Variants in ARRDC2 observed in about 807,000 individuals in gnomAD.
The protein encoded by ARRDC2 is arrestin domain containing 2, also known as arrestin domain-containing protein 2.
In ARRDC2, 39 loss-of-function variants were observed where a neutral mutation model predicts 38.9. The observed-to-expected ratio is 1.00, with a 90% CI of 0.78 to 1.31. The LOEUF is 1.31. Among genes scored for constraint, ARRDC2 ranks in the 50% most tolerant of loss-of-function variants. The pLI, the probability that ARRDC2 is intolerant of heterozygous loss-of-function variation, is 0.00. For missense variants in ARRDC2, 553 were observed against 588.4 expected (o/e 0.94, Z 0.62); for synonymous variants, 300 against 261.9 (o/e 1.15, Z -1.41).
At chr19:18,002,382 A>C (rs2033200008) in intron 1 of ARRDC2, among the ~76,000 whole-genome samples, 1 of 152,108 alleles carries the variant, frequency 6.6e-6, no homozygotes, top group African/African-American at 2.4e-5. Context: ...CTCGCACCCC[A>C]AGCGCCCCTA....
At position 18,008,289 on chromosome 19, in the gene ARRDC2, G is replaced by A. The variant is rs770938584; in HGVS notation, c.-22G>A. ...AGTTCGAGGCCAGGTTCCGCCTGTC[G>A]TGGGTTCGCACCCCGGACGCGATGC... On this transcript the variant is annotated 5_prime_UTR_variant, in exon 1 of 8. In the 5' UTR this introduces an upstream ATG that the reference lacks. Coordinates refer to ENST00000222250, the MANE Select transcript of ARRDC2 (RefSeq NM_015683.2). 3.1e-6 allele frequency: 5 copies of A among 1,587,776 alleles called. No homozygotes were observed. In the South Asian group the frequency reaches 4.4e-5, roughly 14 times the overall value.
upstream of ARRDC2, among the ~76,000 whole-genome samples, chr19:18,004,600 A>T (rs1322085217): frequency 2.6e-5 from 4 of 151,674 alleles, no homozygotes; most frequent in Non-Finnish European, 4.4e-5. Context: ...AAGGCAGGAG[A>T]ATCGCTGGAA....
intron 4 of ARRDC2, 42 bp from the exon 5 acceptor site, chr19:18,009,739 GGT>G: frequency 6.2e-7 from 1 of 1,612,820 alleles, no homozygotes; most frequent in Non-Finnish European, 8.5e-7. Context: ...CTGGTGTTGG[GGT>G]TGCAGGAGGG....
intron 2 of ARRDC2, 40 bp from the exon 3 acceptor site, chr19:18,008,931 T>C: frequency 6.2e-7 from 1 of 1,609,942 alleles, no homozygotes; most frequent in Non-Finnish European, 8.5e-7. Flanking sequence ...CCTGCTTGTC[T>C]CTGTATCTTG....
exon 1 of ARRDC2, chr19:18,001,393 C>T (rs1269069895): frequency 2.9e-5 from 35 of 1,215,546 alleles, no homozygotes; most frequent in Non-Finnish European, 3.4e-5. Flanking sequence ...CGGGGAGCGG[C>T]TGTGCGGCCG....
chr19:18,006,633 GGGGAGA>G (rs147340744), upstream of ARRDC2, among the ~76,000 whole-genome samples: 96 of 152,004 alleles, frequency 6.3e-4, no homozygotes, highest in Admixed American at 1.1e-3. Flanking sequence ...GGGAGACCAA[GGGGAGA>G]GGGAGAGGGA....
In ARRDC2 at chr19:18,008,235, G is replaced by A. The variant is rs2033323609; in HGVS notation, c.-76G>A. The A allele has an allele frequency of 6.5e-7, 1 of 1,549,520 alleles. No individual in the cohort carries two copies. Among genetic ancestry groups the A allele is most frequent in the Non-Finnish European group, 8.6e-7 (1 of 1,160,764 alleles). ...GGCGATTTTGCGTTCTGAGGCTGCA[G>A]CGTCGGCATCTTGAGCTGCCGGTTC... On this transcript the variant is annotated 5_prime_UTR_variant, in exon 1 of 8. Transcript: ENST00000222250.
upstream of ARRDC2, among the ~76,000 whole-genome samples, chr19:18,006,836 T>C (rs146230662): frequency 6.6e-6 from 1 of 152,122 alleles, no homozygotes; most frequent in South Asian, 2.1e-4. Context: ...GGTTACCTAA[T>C]CCCGCTTCTC....
Position 18,013,956 on chromosome 19 carries a change from G to C in ARRDC2, c.*990G>C, listed in dbSNP as rs1014979997. 1.3e-5 allele frequency: 2 copies of C among 152,142 alleles called. No individual in the cohort carries two copies. The highest frequency in any genetic ancestry group is 4.8e-5 in the African/African-American group (2 of 41,402). 9.4% of individuals were successfully genotyped at this position (152,142 alleles called of 1,614,324 possible). On this transcript the variant is annotated 3_prime_UTR_variant, in exon 8 of 8. Transcript: ENST00000222250. ...TGTCCTGGAGGAGAAAAGCATTAGA[G>C]GGGGCAGCTGGACAAGCTCCCAACT...
chr19:18,009,501 C>G lies in ARRDC2; in HGVS notation c.490-91C>G, dbSNP rs754928081. On this transcript the variant is annotated intron_variant, in intron 3 of 7. Coordinates refer to ENST00000222250, the MANE Select transcript of ARRDC2 (RefSeq NM_015683.2). ...AAAGAAACCAAGCCCTGCCCAAAGT[C>G]CTCCCTCAGCTGGGGGTGGTTTGGA... 1.5e-4 allele frequency: 174 copies of G among 1,187,744 alleles called. 1 individual carries two copies. In the Middle Eastern group the frequency reaches 2.0e-3, roughly 14 times the overall value. 73.6% of individuals were successfully genotyped at this position (1,187,744 alleles called of 1,614,324 possible). A position where few individuals can be genotyped will look rare whatever the true frequency, so the allele number is the denominator to read the frequency against.
intron 7 of ARRDC2, among the ~76,000 whole-genome samples, chr19:18,011,195 A>C (rs2033405049): frequency 6.6e-6 from 1 of 152,136 alleles, no homozygotes; most frequent in Non-Finnish European, 1.5e-5. Context: ...ACGGGGTTTC[A>C]CCATGTTGGT....
upstream of ARRDC2, among the ~76,000 whole-genome samples, chr19:18,003,969 C>T (rs937416799): frequency 2.0e-5 from 3 of 150,828 alleles, no homozygotes; most frequent in Non-Finnish European, 4.4e-5. Context: ...AGACGGGTTT[C>T]ACCATGTTGG....
chr19:18,008,132 C>CCCCA, upstream of ARRDC2: 2 of 1,268,366 alleles, frequency 1.6e-6, no homozygotes, highest in Non-Finnish European at 2.0e-6. Context: ...CCCCCCCCCG[C>CCCCA]CCTGCCGTAT....
Position 18,010,725 on chromosome 19 carries a change from C to T in ARRDC2, c.1166C>T (p.Ser389Phe). The change falls in exon 7 of 8, where the codon TCT (serine) becomes TTT (phenylalanine). Residue 389 changes from serine to phenylalanine, a missense_variant. Ser to Phe is a radical substitution (Grantham distance 155). Coordinates refer to ENST00000222250, the MANE Select transcript of ARRDC2 (RefSeq NM_015683.2). ...EFRYRPPPLYSEEDPNPLLGD... is the reference protein window; with the variant it reads ...EFRYRPPPLYFEEDPNPLLGD... ...CGCTACCGCCCGCCACCCCTGTACT[C>T]TGAGGTGAGCTCAGGGGTCTGAGAA... 1.2e-6 allele frequency: 2 copies of T among 1,613,714 alleles called. No individual in the cohort carries two copies. Among genetic ancestry groups the T allele is most frequent in the Non-Finnish European group, 1.7e-6 (2 of 1,180,000 alleles).
rs2033334051 is a variant in ARRDC2 at position 18,008,583 on chromosome 19, A to T, written c.273A>T (p.Pro91=). 6.3e-7 allele frequency: 1 copy of T among 1,588,226 alleles called. No homozygotes were observed. The highest frequency in any genetic ancestry group is 1.7e-5 in the Admixed American group (1 of 57,322). ...GCCACCGCGCCACGCTCCTGGCGCC[A>T]GGTACGGATGGAGGACCCCTGCTCC... ...VVSHRATLLA[P]DTGETTTLPP... The change falls in exon 1 of 8, where the codon CCA becomes CCT. Residue 91 remains proline, a splice_region_variant and synonymous_variant. Transcript: ENST00000222250.
chr19:18,007,416 C>G (rs2033301756), upstream of ARRDC2: 1 of 152,248 alleles, frequency 6.6e-6, no homozygotes, highest in Admixed American at 6.5e-5. Context: ...AACATCATTT[C>G]GTAGGTACCG....
At chr19:18,008,810 C>T in intron 2 of ARRDC2, 33 bp downstream of exon 2, 3 of 1,610,532 alleles carry the variant, frequency 1.9e-6, no homozygotes, top group Non-Finnish European at 2.5e-6. Flanking sequence ...TTGCCCTAAG[C>T]CTGCAGCCCC....
chr19:18,010,675 G>A lies in ARRDC2; in HGVS notation c.1116G>A (p.Pro372=), dbSNP rs375815679. The A allele has an allele frequency of 1.1e-4, 182 of 1,613,732 alleles. No homozygotes were observed. The highest frequency in any genetic ancestry group is 1.4e-4 in the Non-Finnish European group (166 of 1,180,030). The change falls in exon 7 of 8, where the codon CCG becomes CCA. Residue 372 remains proline (P), a synonymous_variant. Transcript: ENST00000222250. The stretch of plus-strand genomic sequence containing the variant: ...ACCCCGACATGAGCCTTGAAGGCCC[G>A]TTCTTCGCCTACATCCAAGAGTTCC... ...PQDPDMSLEG[P]FFAYIQEFRY...
chr19:18,012,922 A>G lies in ARRDC2; in HGVS notation c.1180A>G (p.Asn394Asp), dbSNP rs891056434. 11 of 1,613,990 alleles carry G rather than the reference A, an allele frequency of 6.8e-6. No individual in the cohort carries two copies. The highest frequency in any genetic ancestry group is 9.3e-6 in the Non-Finnish European group (11 of 1,179,966). ...GGAACATTTCTCTTAGGAGGATCCA[A>G]ACCCACTCTTGGGGGACATGAGGCC... ...PPPLYSEEDP[N>D]PLLGDMRPRC... The change falls in exon 8 of 8, where the codon AAC becomes GAC. Residue 394 changes from asparagine to aspartate, a missense_variant. Asn to Asp is a conservative substitution (Grantham distance 23). Transcript: ENST00000222250.
Sources: allele counts gnomAD v4.1 joint callset (sites outside exome capture counted in the v4.1 genomes callset), GRCh38; gene constraint gnomAD v4.1.1; transcripts MANE v1.5; gene names NCBI Gene and HGNC (gene_info 2026-07-23, HGNC 2026-07-21).